The following TMEM108 variants were observed in gnomAD, a reference collection of about 807,000 sequenced individuals.
TMEM108 encodes the protein cancer/testis antigen 124.
A neutral mutation model predicts 35.1 loss-of-function variants in TMEM108; 12 were observed. The ratio of observed to expected loss-of-function variants is 0.34; its 90% confidence interval spans 0.22 to 0.55. The LOEUF is 0.55. Among genes scored for constraint, TMEM108 ranks in the 20% least tolerant of loss-of-function variants. TMEM108 has a pLI of 0.89. For missense variants in TMEM108, 680 were observed against 753.3 expected (o/e 0.90, Z 1.14); for synonymous variants, 287 against 308.6 (o/e 0.93, Z 0.73).
intron 2 of TMEM108, among the ~76,000 whole-genome samples, chr3:133,213,511 CT>C (rs1167510292): frequency 6.6e-6 from 1 of 152,154 alleles, no homozygotes; most frequent in African/African-American, 2.4e-5. Context: ...CAAGAGTATT[CT>C]GTTCATATTC....
chr3:133,083,385 A>G (rs1314700004), intron 2 of TMEM108, among the ~76,000 whole-genome samples: 1 of 152,096 alleles, frequency 6.6e-6, no homozygotes, highest in Non-Finnish European at 1.5e-5. Context: ...AGTTGCCCAT[A>G]CATGGCACAT....
At chr3:133,071,542 CCAT>C (rs1943676383) in intron 2 of TMEM108, among the ~76,000 whole-genome samples, 1 of 152,092 alleles carries the variant, frequency 6.6e-6, no homozygotes, top group Non-Finnish European at 1.5e-5. Flanking sequence ...ATAGTTTAGC[CCAT>C]AACACCCAGA....
intron 2 of TMEM108, among the ~76,000 whole-genome samples, chr3:133,182,894 G>A (rs1945367489): frequency 6.6e-6 from 1 of 152,150 alleles, no homozygotes; most frequent in Non-Finnish European, 1.5e-5. Context: ...ATATATAATA[G>A]CAACAGGTAT....
chr3:133,147,332 T>C (rs983644738), intron 2 of TMEM108, among the ~76,000 whole-genome samples: 2 of 152,168 alleles, frequency 1.3e-5, no homozygotes, highest in Non-Finnish European at 2.9e-5. Context: ...AGACTGTTTG[T>C]TATGATTTTC....
chr3:133,296,143 C>A (rs80345998), intron 3 of TMEM108, among the ~76,000 whole-genome samples: 1 of 152,156 alleles, frequency 6.6e-6, no homozygotes, highest in African/African-American at 2.4e-5. Flanking sequence ...AGGAAAAGCA[C>A]CCCCCTTTTT....
chr3:133,177,466 T>C (rs1241907511), intron 2 of TMEM108, among the ~76,000 whole-genome samples: 4 of 151,738 alleles, frequency 2.6e-5, no homozygotes, highest in Admixed American at 6.6e-5. Flanking sequence ...AGCTTATCCA[T>C]CATGATCAAG....
intron 2 of TMEM108, among the ~76,000 whole-genome samples, chr3:133,200,622 C>A (rs1356794416): frequency 6.6e-6 from 1 of 152,164 alleles, no homozygotes; most frequent in Non-Finnish European, 1.5e-5. Context: ...AAAGAGAATC[C>A]AGAGCCTAAG....
chr3:133,281,825 G>A (rs565197086), intron 3 of TMEM108, among the ~76,000 whole-genome samples: 2 of 152,116 alleles, frequency 1.3e-5, no homozygotes. Context: ...AGACTAAATC[G>A]GTTGAATATC....
intron 2 of TMEM108, among the ~76,000 whole-genome samples, chr3:133,089,003 C>T (rs1161122671): frequency 1.3e-5 from 2 of 152,164 alleles, no homozygotes; most frequent in Non-Finnish European, 2.9e-5. Flanking sequence ...AGCTTCCAAT[C>T]ATGGCAGAAA....
At chr3:133,179,598 T>G (rs1945297932) in intron 2 of TMEM108, among the ~76,000 whole-genome samples, 1 of 151,852 alleles carries the variant, frequency 6.6e-6, no homozygotes, top group African/African-American at 2.4e-5. Context: ...TAGGTGGGAA[T>G]TGAACAATGA....
chr3:133,090,848 A>G (rs1943938611), intron 2 of TMEM108, among the ~76,000 whole-genome samples: 2 of 152,182 alleles, frequency 1.3e-5, no homozygotes, highest in Non-Finnish European at 2.9e-5. Flanking sequence ...ATTCTTAGAG[A>G]ACTTGAAAGT....
intron 2 of TMEM108, among the ~76,000 whole-genome samples, chr3:133,195,476 C>T (rs992251871): frequency 2.0e-5 from 3 of 152,086 alleles, no homozygotes; most frequent in Non-Finnish European, 2.9e-5. Context: ...CTAGTCATCC[C>T]GTCTGGAGGA....
At chr3:133,132,219 A>G (rs1450447101) in intron 2 of TMEM108, among the ~76,000 whole-genome samples, 2 of 152,212 alleles carry the variant, frequency 1.3e-5, no homozygotes, top group Non-Finnish European at 2.9e-5. Context: ...TTCAATGTAG[A>G]TGAAACAGGC....
rs71624011 is a variant in TMEM108 at position 133,270,794 on chromosome 3, T to TACAC, written c.40+41466_40+41469dup. Among the ~76,000 whole-genome samples the TACAC allele has an allele frequency of 2.0e-3, 290 of 148,678 alleles. 2 individuals are homozygous for TACAC. The highest frequency in any genetic ancestry group is 6.7e-3 in the African/African-American group (270 of 40,110). On this transcript the variant is annotated intron_variant, in intron 3 of 5. Transcript: ENST00000321871. The stretch of plus-strand genomic sequence containing the variant: ...TATAAGACTGCCTGTTCGAAGAATG[T>TACAC]ACACACACACACACACACACACACA...
intron 3 of TMEM108, among the ~76,000 whole-genome samples, chr3:133,348,124 G>T (rs1172538491): frequency 1.3e-5 from 2 of 151,344 alleles, no homozygotes; most frequent in South Asian, 4.2e-4. Context: ...TGAGGGGGGG[G>T]CCAGATTTGC....
intron 3 of TMEM108, among the ~76,000 whole-genome samples, chr3:133,290,421 G>C (rs1011155558): frequency 6.6e-6 from 1 of 152,136 alleles, no homozygotes; most frequent in Non-Finnish European, 1.5e-5. Flanking sequence ...AGGAGTTTGA[G>C]ACCAGACTAG....
intron 3 of TMEM108, among the ~76,000 whole-genome samples, chr3:133,339,738 A>G (rs544238276): frequency 6.6e-6 from 1 of 152,106 alleles, no homozygotes; most frequent in Non-Finnish European, 1.5e-5. Context: ...AAAAATTGAA[A>G]TAATACCAAG....
Position 133,072,008 on chromosome 3 carries a change from A to T in TMEM108, c.-47+25988A>T, listed in dbSNP as rs537946795. Among the ~76,000 whole-genome samples the T allele has an allele frequency of 5.9e-5, 9 of 152,298 alleles. No homozygotes were observed. In the South Asian group the frequency reaches 1.9e-3, roughly 32 times the overall value. ...GTTGATTTCTGGTATATGATGTAAG[A>T]CAAGCGTCCAACTTCATTCTTTTGC... On this transcript the variant is annotated intron_variant, in intron 2 of 5. Coordinates refer to ENST00000321871, the MANE Select transcript of TMEM108 (RefSeq NM_023943.4).
intron 3 of TMEM108, among the ~76,000 whole-genome samples, chr3:133,314,310 G>A (rs566046041): frequency 2.0e-4 from 31 of 152,328 alleles, no homozygotes; most frequent in Admixed American, 7.8e-4. Context: ...CTCTCATCCA[G>A]TTAATAGGAG....
Sources: allele counts gnomAD v4.1 joint callset (sites outside exome capture counted in the v4.1 genomes callset), GRCh38; gene constraint gnomAD v4.1.1; transcripts MANE v1.5; gene names NCBI Gene and HGNC (gene_info 2026-07-23, HGNC 2026-07-21).